Variants in SLC30A5 observed in about 807,000 individuals in gnomAD.
The protein encoded by SLC30A5 is proton-coupled zinc antiporter SLC30A5.
Under a neutral mutation model 79.6 loss-of-function variants are expected in SLC30A5, and 33 were observed. The observed-to-expected ratio is 0.41, with a 90% confidence interval of 0.31 to 0.55. The LOEUF (loss-of-function observed/expected upper bound fraction) is 0.55, where lower values mean the gene tolerates loss of function less well. Ranked by LOEUF, SLC30A5 falls within the 20% of genes least tolerant of loss-of-function variation. The pLI is 0.20. For synonymous variants in SLC30A5, 299 were observed against 319.7 expected, an observed-to-expected ratio of 0.94 and a Z score of 0.69; for missense variants, 788 against 928.1, an observed-to-expected ratio of 0.85 and a Z score of 1.96.
At chr5:69,110,359 T>G (rs1166078749) in intron 5 of SLC30A5, among the ~76,000 whole-genome samples, 1 of 152,168 alleles carries the variant, frequency 6.6e-6, no homozygotes, top group African/African-American at 2.4e-5. Context: ...ATAGTCCCTA[T>G]TCTGAAAGGG....
rs1232212724 is a variant in SLC30A5, at chr5:69,116,552, C to T, written c.1231C>T (p.Leu411Phe). The T allele has an allele frequency of 1.2e-6, 2 of 1,609,978 alleles. No individual in the cohort carries two copies. The highest frequency in any genetic ancestry group is 1.7e-6 in the Non-Finnish European group (2 of 1,178,792). The change falls in exon 10 of 16, where the codon CTT (leucine) becomes TTT (phenylalanine). Residue 411 changes from leucine to phenylalanine, a missense_variant. Transcript: ENST00000396591. The surrounding 1 kb of genome is among the most constrained non-coding windows in gnomAD (Gnocchi z 4.0). ...TATTAAGGAATCACTAAAACAAATT[C>T]TTGAGGAGAGTGACTCTAGGCAGAT... is the stretch of plus-strand genomic sequence containing the variant. ...RFIKESLKQILEESDSRQIFY... is the reference protein window; with the variant it reads ...RFIKESLKQIFEESDSRQIFY...
chr5:69,100,231 G>C (rs906088985), intron 1 of SLC30A5, among the ~76,000 whole-genome samples: 2 of 152,086 alleles, frequency 1.3e-5, no homozygotes, highest in African/African-American at 4.8e-5. Context: ...GCCTCCCAAA[G>C]TGCTGGGATT....
Position 69,116,229 on chromosome 5 carries a change from C to T in SLC30A5, c.1072+15C>T, listed in dbSNP as rs763207971. On this transcript the variant is annotated intron_variant, in intron 9 of 15. Coordinates refer to ENST00000396591, the MANE Select transcript of SLC30A5 (RefSeq NM_022902.5). This position sits in a 1 kb window ranked among gnomAD's most constrained non-coding sequence, Gnocchi z 4.0. The stretch of plus-strand genomic sequence containing the variant: ...CTTCATTTTGTGTAAGCATTCCCCC[C>T]TTTTTTTTATTTTAACAAATTTCTA... The T allele has an allele frequency of 1.9e-6, 3 of 1,544,116 alleles. No homozygotes were observed. The East Asian group carries it at 6.9e-5, about 35-fold the overall frequency.
Position 69,100,936 on chromosome 5 carries a change from G to GT in SLC30A5, c.206+8dup, listed in dbSNP as rs766446091. The GT allele has an allele frequency of 1.1e-5, 16 of 1,469,698 alleles. No homozygotes were observed. The highest frequency in any genetic ancestry group is 3.9e-5 in the South Asian group (3 of 77,650). The allele number at this position is 1,469,698 out of a possible 1,614,324, so 91.0% of individuals were successfully genotyped here. A position where few individuals can be genotyped will look rare whatever the true frequency, so the allele number is the denominator to read the frequency against. On this transcript the variant is annotated splice_region_variant and intron_variant, in intron 2 of 15. Transcript: ENST00000396591. ...TTTTTATATTAAAACTTGGGTGAGTGTGGGGGGGGGTTTTTTCTTGATATT... is the reference window on the plus strand; with the variant it reads ...TTTTTATATTAAAACTTGGGTGAGTGTTGGGGGGGGGTTTTTTCTTGATATT...
intron 1 of SLC30A5, among the ~76,000 whole-genome samples, chr5:69,099,066 T>A (rs193130775): frequency 6.6e-5 from 10 of 152,340 alleles, no homozygotes; most frequent in Admixed American, 3.9e-4. Context: ...TTGCATTTGA[T>A]TGATTCTGCA....
intron 4 of SLC30A5, among the ~76,000 whole-genome samples, chr5:69,106,067 A>T (rs1192618048): frequency 1.3e-5 from 2 of 152,224 alleles, no homozygotes; most frequent in Admixed American, 1.3e-4. Context: ...CAGAGTGGAA[A>T]GTGAAGGGTG....
intron 6 of SLC30A5, 52 bp downstream of exon 6, chr5:69,113,279 AGCCTG>A: frequency 7.4e-7 from 1 of 1,346,626 alleles, no homozygotes; most frequent in Non-Finnish European, 1.0e-6. Context: ...GAAAACTAGA[AGCCTG>A]GAACAATGGA....
At position 69,094,082 on chromosome 5, in the gene SLC30A5, T is replaced by C. The variant is rs1745643163; in HGVS notation, c.-174T>C. ...CTGATCGCGGCCTAGTCCCGACGCG[T>C]GTGTGCTAGTGAGCCGGAGCCGGCG... On this transcript the variant is annotated 5_prime_UTR_variant, in exon 1 of 16. Coordinates refer to ENST00000396591, the MANE Select transcript of SLC30A5 (RefSeq NM_022902.5). 2 of 403,204 alleles carry C rather than the reference T, an allele frequency of 5.0e-6. No individual in the cohort carries two copies. The highest frequency in any genetic ancestry group is 4.4e-6 in the Non-Finnish European group (1 of 226,106). The allele number at this position is 403,204 out of a possible 1,614,324, so 25.0% of individuals were successfully genotyped here. A position where few individuals can be genotyped will look rare whatever the true frequency, so the allele number is the denominator to read the frequency against.
chr5:69,103,927 C>T, intron 3 of SLC30A5: 1 of 1,455,332 alleles, frequency 6.9e-7, no homozygotes, highest in Middle Eastern at 1.9e-4. Flanking sequence ...GATTAATAGT[C>T]TAAACCCCAT....
Position 69,116,630 on chromosome 5 carries a change from A to G in SLC30A5, c.1281+28A>G, listed in dbSNP as rs774213203. 6 of 1,391,592 alleles carry G rather than the reference A, an allele frequency of 4.3e-6. No individual in the cohort carries two copies. The South Asian group carries it at 5.9e-5, about 14-fold the overall frequency. The allele number at this position is 1,391,592 out of a possible 1,614,324, so 86.2% of individuals were successfully genotyped here. A position where few individuals can be genotyped will look rare whatever the true frequency, so the allele number is the denominator to read the frequency against. ...AAGATTTTTAAATGTTAATTGACAT[A>G]TCCTAAAAGCATAATATTTTAATTT... On this transcript the variant is annotated intron_variant, in intron 10 of 15. Transcript: ENST00000396591. The surrounding 1 kb of genome is among the most constrained non-coding windows in gnomAD (Gnocchi z 4.0).
chr5:69,112,387 T>C (rs1349590470), intron 5 of SLC30A5, among the ~76,000 whole-genome samples: 1 of 152,206 alleles, frequency 6.6e-6, no homozygotes, highest in African/African-American at 2.4e-5. Context: ...ATGTCCTTTC[T>C]ATAATTTTCT....
At position 69,115,356 on chromosome 5, in the gene SLC30A5, T is replaced by G. The variant is rs1398945108; in HGVS notation, c.732T>G (p.Val244=). The G allele has an allele frequency of 1.9e-6, 3 of 1,614,078 alleles. No individual in the cohort carries two copies. In the African/African-American group the frequency reaches 4.0e-5, roughly 22 times the overall value. The change falls in exon 8 of 16, where the codon GTT becomes GTG. Residue 244 remains valine (V), a synonymous_variant. Transcript: ENST00000396591. The stretch of plus-strand genomic sequence containing the variant: ...GTCTTCAAGCTTTATCTCATCTTGT[T>G]TCTGTGCTTCTCTTGTGCCCATGGG... ...AKRLQALSHL[V]SVLLLCPWVI...
At chr5:69,106,539 A>C (rs1746083537) in intron 4 of SLC30A5, among the ~76,000 whole-genome samples, 1 of 152,098 alleles carries the variant, frequency 6.6e-6, no homozygotes, top group Non-Finnish European at 1.5e-5. Context: ...CAGTTTCTCA[A>C]TTGCAAAAAT....
chr5:69,127,635 G>A (rs1746738274), intron 14 of SLC30A5, among the ~76,000 whole-genome samples: 1 of 152,012 alleles, frequency 6.6e-6, no homozygotes, highest in African/African-American at 2.4e-5. Context: ...GAGCAAGACT[G>A]TCTCAAAAAA....
intron 11 of SLC30A5, chr5:69,118,275 C>T (rs185014988): frequency 0.026 from 3,871 of 146,924 alleles, 209 homozygotes; most frequent in African/African-American, 0.096. Flanking sequence ...TCATATATAA[C>T]GTATATATAT....
At chr5:69,100,335 A>T (rs1282810637) in intron 1 of SLC30A5, among the ~76,000 whole-genome samples, 2 of 152,154 alleles carry the variant, frequency 1.3e-5, no homozygotes, top group Non-Finnish European at 2.9e-5. Context: ...AGCTCACTGC[A>T]ACCTCAACCT....
Position 69,129,510 on chromosome 5 carries a change from T to C in SLC30A5, c.2191T>C (p.Tyr731His), listed in dbSNP as rs1208464658. The change falls in exon 16 of 16, where the codon TAC becomes CAC. Residue 731 changes from tyrosine (Y) to histidine (H), a missense_variant. Transcript: ENST00000396591. ...NLTIQVEKEAYFQHMSGLSTG... is the reference protein window; with the variant it reads ...NLTIQVEKEAHFQHMSGLSTG... Reference sequence around the variant, plus strand: ...AACAATTCAAGTGGAAAAGGAGGCATACTTTCAACATATGTCTGGCCTAAG... The same window carrying C: ...AACAATTCAAGTGGAAAAGGAGGCACACTTTCAACATATGTCTGGCCTAAG... The C allele has an allele frequency of 1.2e-6, 2 of 1,613,452 alleles. No individual in the cohort carries two copies. The highest frequency in any genetic ancestry group is 1.3e-5 in the African/African-American group (1 of 74,910).
chr5:69,100,386 A>G (rs350098), intron 1 of SLC30A5, among the ~76,000 whole-genome samples: 109,709 of 152,022 alleles, frequency 0.72, 40,436 homozygotes, highest in African/African-American at 0.88. Context: ...GCTACCACGC[A>G]CCATAATGCC....
rs537658338 is a variant in SLC30A5, at chr5:69,125,531, C to G, written c.1998+2106C>G. 1.1e-4 allele frequency among the ~76,000 whole-genome samples: 15 copies of G among 138,410 alleles called. No homozygotes were observed. The South Asian group carries it at 3.5e-3, about 32-fold the overall frequency. 90.8% of individuals were successfully genotyped at this position (138,410 alleles called of 152,430 possible). ...GCAACAGAGCGAGACTCTGTCCTTC[C>G]CCACACACAAAAAAAAAAATTAGGC... is the stretch of plus-strand genomic sequence containing the variant. On this transcript the variant is annotated intron_variant, in intron 14 of 15. Transcript: ENST00000396591.
Sources: gnomAD v4.1 joint callset for allele counts (sites outside exome capture counted in the v4.1 genomes callset) on GRCh38, gnomAD v4.1.1 for gene constraint, Gnocchi (gnomAD v3.1) non-coding constraint, MANE v1.5 for transcripts, NCBI Gene and HGNC (gene_info 2026-07-23, HGNC 2026-07-21) for gene names.